The following FBLN7 variants were observed in gnomAD, a reference collection of about 807,000 sequenced individuals.
FBLN7 encodes the protein fibulin 7, also known as fibulin-7.
Under a neutral mutation model 44.0 loss-of-function variants are expected in FBLN7, and 31 were observed. The ratio of observed to expected loss-of-function variants is 0.70; its 90% confidence interval spans 0.53 to 0.95. FBLN7 has a LOEUF of 0.95. Among genes scored for constraint, FBLN7 ranks in the 40% least tolerant of loss-of-function variants. The pLI is 0.00. For missense variants in FBLN7, 573 were observed against 618.5 expected (o/e 0.93, Z 0.78); for synonymous variants, 262 against 253.4 (o/e 1.03, Z -0.32).
At chr2:112,165,462 G>A (rs1305764323) in intron 3 of FBLN7, among the ~76,000 whole-genome samples, 1 of 152,140 alleles carries the variant, frequency 6.6e-6, no homozygotes, top group Non-Finnish European at 1.5e-5. Flanking sequence ...CAGCTAGGGG[G>A]TGGGCGGCAC....
At chr2:112,197,264 CACACACACACAGAGAGAGAG>C in the FBLN7 span, among the ~76,000 whole-genome samples, 4 of 129,838 alleles carry the variant, frequency 3.1e-5, no homozygotes, top group African/African-American at 1.2e-4. Flanking sequence ...CACACACACA[CACACACACACAGAGAGAGAG>C]AGAGAGAGAG....
the FBLN7 span, among the ~76,000 whole-genome samples, chr2:112,201,464 C>T: frequency 6.6e-6 from 1 of 152,234 alleles, no homozygotes; most frequent in Non-Finnish European, 1.5e-5. Flanking sequence ...CGTTCCAGCT[C>T]CTTGGCAGAA....
the FBLN7 span, among the ~76,000 whole-genome samples, chr2:112,197,089 G>A: frequency 6.6e-6 from 1 of 152,092 alleles, no homozygotes; most frequent in African/African-American, 2.4e-5. Context: ...AATTCAAGAT[G>A]AGATTTGGAT....
intron 2 of FBLN7, among the ~76,000 whole-genome samples, chr2:112,160,882 T>G (rs1681833075): frequency 6.7e-6 from 1 of 149,432 alleles, no homozygotes; most frequent in Non-Finnish European, 1.5e-5. Flanking sequence ...CCCGAGCCAG[T>G]GCAATACACT....
chr2:112,156,362 A>G (rs550123595), intron 1 of FBLN7, among the ~76,000 whole-genome samples: 61 of 152,248 alleles, frequency 4.0e-4, no homozygotes, highest in Admixed American at 3.7e-3. Context: ...TTCAGCCTCC[A>G]TATCTTTCTC....
chr2:112,159,542 C>T (rs1288998293), intron 1 of FBLN7, 134 bp from the exon 2 acceptor site: 1 of 1,062,844 alleles, frequency 9.4e-7, no homozygotes, highest in African/African-American at 1.6e-5. Flanking sequence ...AGCGGCAGGT[C>T]ACTTTTACGT....
At chr2:112,188,675 C>A (rs1181146994), downstream of FBLN7, 1 of 152,150 alleles carries the variant, frequency 6.6e-6, no homozygotes. Flanking sequence ...TTATTTAAAT[C>A]TTTGTATTTG....
At chr2:112,220,429 A>G in the FBLN7 span, among the ~76,000 whole-genome samples, 13 of 152,186 alleles carry the variant, frequency 8.5e-5, no homozygotes, top group Non-Finnish European at 1.9e-4. Context: ...GCTGGATATA[A>G]AATTCTTGGT....
At chr2:112,181,298 C>A (rs1682978777) in intron 4 of FBLN7, among the ~76,000 whole-genome samples, 1 of 151,978 alleles carries the variant, frequency 6.6e-6, no homozygotes, top group Non-Finnish European at 1.5e-5. Context: ...ATGTAACAAA[C>A]CTTCACATGT....
the FBLN7 span, among the ~76,000 whole-genome samples, chr2:112,198,304 A>G: frequency 1.3e-5 from 2 of 152,148 alleles, no homozygotes; most frequent in Admixed American, 1.3e-4. Context: ...TTAGTTTATA[A>G]AAGCGGAGCT....
chr2:112,167,869 C>CGTTATGTTATGTTAT (rs137969881), intron 3 of FBLN7, among the ~76,000 whole-genome samples: 14,806 of 132,500 alleles, frequency 0.11, 1,064 homozygotes, highest in Admixed American at 0.15. Context: ...AGGAAAGACA[C>CGTTATGTTATGTTAT]GTTATGTTAT....
At chr2:112,166,547 C>T (rs1248187955) in intron 3 of FBLN7, among the ~76,000 whole-genome samples, 2 of 152,098 alleles carry the variant, frequency 1.3e-5, no homozygotes, top group African/African-American at 4.8e-5. Context: ...CTCAGACCCA[C>T]CTAGGAACCA....
chr2:112,158,244 TTTG>T (rs150943882), intron 1 of FBLN7, among the ~76,000 whole-genome samples: 5,464 of 151,582 alleles, frequency 0.036, 185 homozygotes, highest in African/African-American at 0.087. Flanking sequence ...TTAGTTTGGT[TTTG>T]TTGTTGTTGT....
downstream of FBLN7, among the ~76,000 whole-genome samples, chr2:112,191,419 GC>G (rs1410290559): frequency 6.6e-6 from 1 of 152,082 alleles, no homozygotes; most frequent in Non-Finnish European, 1.5e-5. Context: ...CAAGTGGTCT[GC>G]CCGCCTCGGC....
downstream of FBLN7, chr2:112,190,014 G>A (rs1207739708): frequency 6.6e-6 from 1 of 152,060 alleles, no homozygotes; most frequent in African/African-American, 2.4e-5. Context: ...TTAATCTGTA[G>A]CAGTGGGTCT....
chr2:112,211,886 C>T, the FBLN7 span: 2 of 152,172 alleles, frequency 1.3e-5, no homozygotes, highest in Non-Finnish European at 2.9e-5. Context: ...CCTCCCTATC[C>T]AAACATATAC....
chr2:112,243,709 A>G, the FBLN7 span, among the ~76,000 whole-genome samples: 1 of 152,112 alleles, frequency 6.6e-6, no homozygotes, highest in Non-Finnish European at 1.5e-5. Context: ...TACGTACATA[A>G]CATCCTCAAT....
intron 5 of FBLN7, among the ~76,000 whole-genome samples, chr2:112,182,566 ACTC>A (rs35116504): frequency 0.16 from 24,577 of 151,100 alleles, 2,154 homozygotes; most frequent in East Asian, 0.34. Flanking sequence ...GCTCCCTCTC[ACTC>A]CTCCTTTTAG....
At chr2:112,154,139 G>A (rs1225223085) in intron 1 of FBLN7, among the ~76,000 whole-genome samples, 3 of 152,204 alleles carry the variant, frequency 2.0e-5, no homozygotes, top group African/African-American at 7.2e-5. Context: ...AACAGAAACG[G>A]TAAACCTTGA....
Sources: gnomAD v4.1 joint callset for allele counts (sites outside exome capture counted in the v4.1 genomes callset) on GRCh38, gnomAD v4.1.1 for gene constraint, MANE v1.5 for transcripts, NCBI Gene and HGNC (gene_info 2026-07-23, HGNC 2026-07-21) for gene names.